KIF3B: variants seen among roughly 807,000 people sequenced by gnomAD.
The protein encoded by KIF3B is kinesin-like protein KIF3B.
Under a neutral mutation model 74.3 loss-of-function variants are expected in KIF3B, and 38 were observed. The ratio of observed to expected loss-of-function variants is 0.51; its 90% confidence interval spans 0.39 to 0.67. The LOEUF is 0.67. Ranked by LOEUF, KIF3B falls within the 30% of genes least tolerant of loss-of-function variation. The pLI is 0.00. For synonymous variants in KIF3B, 326 were observed against 342.5 expected (o/e 0.95, Z 0.53); for missense variants, 649 against 932.0 (o/e 0.70, Z 3.95).
At chr20:32,318,678 G>A (rs1312475096) in intron 5 of KIF3B, among the ~76,000 whole-genome samples, 4 of 152,162 alleles carry the variant, frequency 2.6e-5, no homozygotes, top group African/African-American at 9.7e-5. Flanking sequence ...TATTATGACT[G>A]AATAATATTG....
intron 5 of KIF3B, among the ~76,000 whole-genome samples, chr20:32,317,197 A>G (rs1410802415): frequency 6.6e-6 from 1 of 152,178 alleles, no homozygotes; most frequent in African/African-American, 2.4e-5. Context: ...ATATCGTGCC[A>G]CTGCACTCCA....
chr20:32,322,731 T>TATATATAC, intron 5 of KIF3B, among the ~76,000 whole-genome samples: 1 of 64,536 alleles, frequency 1.5e-5, no homozygotes, highest in African/African-American at 7.7e-5. Context: ...TATTTATTTA[T>TATATATAC]TTATATATAT....
At position 32,277,738 on chromosome 20, in the gene KIF3B, C is replaced by T; in HGVS notation, c.-93C>T. The T allele has an allele frequency of 3.7e-6, 1 of 267,006 alleles. No homozygotes were observed. Among genetic ancestry groups the T allele is most frequent in the Non-Finnish European group, 6.8e-6 (1 of 147,354 alleles). 16.5% of individuals were successfully genotyped at this position (267,006 alleles called of 1,614,324 possible). On this transcript the variant is annotated 5_prime_UTR_variant, in exon 1 of 9. Coordinates refer to ENST00000375712, the MANE Select transcript of KIF3B (RefSeq NM_004798.4). ...CCGCCGCCGCCGCCGCCGCCGCCGC[C>T]GCCGCCCGCTTTCGGCTCGGGCCTC...
chr20:32,325,350 C>T (rs542032182), intron 5 of KIF3B, among the ~76,000 whole-genome samples: 13 of 151,980 alleles, frequency 8.6e-5, no homozygotes, highest in East Asian at 1.9e-4. Context: ...CAACCACGCA[C>T]GGCTAATTTT....
intron 1 of KIF3B, among the ~76,000 whole-genome samples, chr20:32,301,623 T>A (rs2047744728): frequency 6.6e-6 from 1 of 151,324 alleles, no homozygotes; most frequent in South Asian, 2.1e-4. Flanking sequence ...GTGATCCACC[T>A]GCCTCAGCCT....
Position 32,334,561 on chromosome 20 carries a change from C to T in KIF3B, c.*3242C>T, listed in dbSNP as rs1272568392. On this transcript the variant is annotated 3_prime_UTR_variant, in exon 9 of 9. Transcript: ENST00000375712. ...ACTTGAGGTTGAGGCGTACTGGAGA[C>T]AACACCTCAGACCATCTGAACCCCA... 1 of 152,596 alleles carries T rather than the reference C, an allele frequency of 6.6e-6. No individual in the cohort carries two copies. The highest frequency in any genetic ancestry group is 1.5e-5 in the Non-Finnish European group (1 of 68,042). The allele number at this position is 152,596 out of a possible 1,614,324, so 9.5% of individuals were successfully genotyped here. A position where few individuals can be genotyped will look rare whatever the true frequency, so the allele number is the denominator to read the frequency against.
At chr20:32,281,741 A>G (rs1048174085) in intron 1 of KIF3B, among the ~76,000 whole-genome samples, 4 of 152,142 alleles carry the variant, frequency 2.6e-5, no homozygotes, top group Admixed American at 2.0e-4. Flanking sequence ...CCCAACAAAC[A>G]AAAAGAAAAA....
intron 1 of KIF3B, among the ~76,000 whole-genome samples, chr20:32,286,681 T>A (rs941015954): frequency 6.6e-6 from 1 of 152,210 alleles, no homozygotes; most frequent in Admixed American, 6.6e-5. Flanking sequence ...GAGAAATAAC[T>A]ACTGTTAACA....
intron 1 of KIF3B, among the ~76,000 whole-genome samples, chr20:32,292,583 G>GAAAAAAAAAAAAAAAAAAAAAAAAAAA (rs71185398): frequency 2.8e-5 from 2 of 71,824 alleles, no homozygotes; most frequent in African/African-American, 4.7e-5. Context: ...ACTAAAAATA[G>GAAAAAAAAAAAAAAAAAAAAAAAAAAA]AAAAAAAAAA....
intron 5 of KIF3B, among the ~76,000 whole-genome samples, chr20:32,320,520 GTT>G (rs779283206): frequency 3.0e-5 from 4 of 135,322 alleles, no homozygotes; most frequent in Non-Finnish European, 6.5e-5. Flanking sequence ...TGTTTTGTTA[GTT>G]TTTTTTTTTT....
chr20:32,296,393 G>A (rs112031372), intron 1 of KIF3B, among the ~76,000 whole-genome samples: 42 of 152,100 alleles, frequency 2.8e-4, no homozygotes, highest in African/African-American at 9.2e-4. Context: ...ACCTGAGGCC[G>A]GGAGTTCAAG....
rs186845898 is a variant in KIF3B, at chr20:32,282,435, G to A, written c.-66+4670G>A. ...TTTATTTTGAACCCTGTAGAGGAGA[G>A]GCACAAGGTATAAGCATCATACTTT... is the stretch of plus-strand genomic sequence containing the variant. On this transcript the variant is annotated intron_variant, in intron 1 of 8. Coordinates refer to ENST00000375712, the MANE Select transcript of KIF3B (RefSeq NM_004798.4). 1.5e-3 allele frequency among the ~76,000 whole-genome samples: 223 copies of A among 152,270 alleles called. 1 individual carries two copies. The highest frequency in any genetic ancestry group is 5.0e-3 in the African/African-American group (206 of 41,550).
intron 1 of KIF3B, among the ~76,000 whole-genome samples, chr20:32,305,159 A>T (rs1346573400): frequency 6.6e-6 from 1 of 151,728 alleles, no homozygotes; most frequent in East Asian, 1.9e-4. Context: ...AAAAACAAAC[A>T]AACAAAAAAA....
chr20:32,328,298 C>G (rs943230466), intron 7 of KIF3B, among the ~76,000 whole-genome samples: 3 of 152,016 alleles, frequency 2.0e-5, no homozygotes, highest in African/African-American at 4.8e-5. Context: ...GTGGCAGGCA[C>G]CTGTAATCCC....
chr20:32,279,142 C>A (rs191412530), intron 1 of KIF3B, among the ~76,000 whole-genome samples: 1 of 151,912 alleles, frequency 6.6e-6, no homozygotes, highest in African/African-American at 2.4e-5. Flanking sequence ...TGGCTGGTCT[C>A]GAACTCCTGG....
At chr20:32,289,391 A>G (rs1206157020) in intron 1 of KIF3B, among the ~76,000 whole-genome samples, 1 of 152,008 alleles carries the variant, frequency 6.6e-6, no homozygotes, top group East Asian at 1.9e-4. Flanking sequence ...ACGGGGTTTC[A>G]CCATCTTAGC....
At chr20:32,327,782 A>T (rs562149080) in intron 7 of KIF3B, 121 bp downstream of exon 7, 12 of 602,680 alleles carry the variant, frequency 2.0e-5, no homozygotes, top group African/African-American at 1.9e-4. Context: ...GAAGACATTT[A>T]TACCAATAAC....
At chr20:32,302,097 T>G (rs1410934848) in intron 1 of KIF3B, among the ~76,000 whole-genome samples, 1 of 152,214 alleles carries the variant, frequency 6.6e-6, no homozygotes, top group South Asian at 2.1e-4. Flanking sequence ...TTCTGTGAGT[T>G]TCTTTAAAGA....
In KIF3B at chr20:32,316,389, CAT is replaced by C. The variant is rs1412774702; in HGVS notation, c.1506+73_1506+74del. ...TGTTTATGCTGCAGAGCAAACGTCT[CAT>C]ATTAGACTCTCTTCAAAGAGAATGA... On this transcript the variant is annotated intron_variant, in intron 3 of 8. Coordinates refer to ENST00000375712, the MANE Select transcript of KIF3B (RefSeq NM_004798.4). 3.9e-6 allele frequency: 6 copies of C among 1,528,994 alleles called. No individual in the cohort carries two copies. The African/African-American group carries it at 4.1e-5, about 10-fold the overall frequency. 94.7% of individuals were successfully genotyped at this position (1,528,994 alleles called of 1,614,324 possible). A position where few individuals can be genotyped will look rare whatever the true frequency, so the allele number is the denominator to read the frequency against.
Sources: allele counts gnomAD v4.1 joint callset (sites outside exome capture counted in the v4.1 genomes callset), GRCh38; gene constraint gnomAD v4.1.1; transcripts MANE v1.5; gene names NCBI Gene and HGNC (gene_info 2026-07-23, HGNC 2026-07-21).